Variants in PRKG1 observed in about 807,000 individuals in gnomAD.
PRKG1 encodes protein kinase cGMP-dependent 1, also known as cGMP-dependent protein kinase 1.
A neutral mutation model predicts 88.1 loss-of-function variants in PRKG1; 35 were observed. The ratio of observed to expected loss-of-function variants is 0.40; its 90% CI spans 0.30 to 0.53. The LOEUF (loss-of-function observed/expected upper bound fraction) is 0.53, where lower values mean the gene tolerates loss of function less well. Among genes scored for constraint, PRKG1 ranks in the 20% least tolerant of loss-of-function variants. PRKG1 has a pLI of 0.59. For synonymous variants in PRKG1, 303 were observed against 292.5 expected, an observed-to-expected ratio of 1.04 and a Z score of -0.37; for missense variants, 540 against 839.8, an observed-to-expected ratio of 0.64 and a Z score of 4.41.
chr10:51,768,634 T>A (rs1233273670), intron 3 of PRKG1, among the ~76,000 whole-genome samples: 1 of 152,110 alleles, frequency 6.6e-6, no homozygotes, highest in Non-Finnish European at 1.5e-5. Flanking sequence ...CTTGGGATTT[T>A]TTTACCCCCA....
chr10:52,174,383 G>A (rs779817076), intron 9 of PRKG1, among the ~76,000 whole-genome samples: 5 of 151,770 alleles, frequency 3.3e-5, no homozygotes, highest in African/African-American at 4.8e-5. Context: ...TCTTTCTTCA[G>A]GAAGTTGTTG....
intron 1 of PRKG1, among the ~76,000 whole-genome samples, chr10:51,032,705 G>A (rs1244073089): frequency 6.6e-6 from 1 of 152,168 alleles, no homozygotes; most frequent in Non-Finnish European, 1.5e-5. Context: ...GTTGCAGTGA[G>A]CTGAGACTGC....
At chr10:52,037,832 G>A (rs1469268435) in intron 5 of PRKG1, among the ~76,000 whole-genome samples, 1 of 152,132 alleles carries the variant, frequency 6.6e-6, no homozygotes, top group Non-Finnish European at 1.5e-5. Flanking sequence ...GGGGAGGAAG[G>A]GAGAGGTCAG....
At chr10:51,841,517 A>G (rs1840274924) in intron 4 of PRKG1, among the ~76,000 whole-genome samples, 1 of 152,220 alleles carries the variant, frequency 6.6e-6, no homozygotes, top group Admixed American at 6.5e-5. Context: ...GTCTTGAGGA[A>G]TGAACAATGA....
chr10:52,188,702 T>C (rs1589686559), intron 9 of PRKG1, among the ~76,000 whole-genome samples: 1 of 152,172 alleles, frequency 6.6e-6, no homozygotes, highest in Admixed American at 6.5e-5. Context: ...TGGCTACAGA[T>C]TGCCTCCTCA....
chr10:51,857,301 T>C (rs1352640894), intron 4 of PRKG1, among the ~76,000 whole-genome samples: 5 of 152,230 alleles, frequency 3.3e-5, no homozygotes, highest in Non-Finnish European at 7.3e-5. Flanking sequence ...ATAATAATAG[T>C]AGTTAATATC....
chr10:52,229,084 AT>A lies in PRKG1; in HGVS notation c.1077-22477del, dbSNP rs200202131. The stretch of plus-strand genomic sequence containing the variant: ...CTAAAGATTAGATCTTTTATGTACT[AT>A]TTTTTTTTCTGTTGTCATTTGTCAG... On this transcript the variant is annotated intron_variant, in intron 9 of 17. Coordinates refer to ENST00000373980, the MANE Select transcript of PRKG1 (RefSeq NM_006258.4). Among the ~76,000 whole-genome samples, 19 of 150,756 alleles carry A rather than the reference AT, an allele frequency of 1.3e-4. No homozygotes were observed. The Middle Eastern group carries it at 0.01, about 82-fold the overall frequency.
intron 2 of PRKG1, among the ~76,000 whole-genome samples, chr10:51,206,898 T>C (rs74617133): frequency 0.02 from 3,066 of 152,318 alleles, 47 homozygotes; most frequent in Middle Eastern, 0.051. Context: ...ATTCATATGA[T>C]ACATTCAGCC....
chr10:51,558,905 G>A (rs768969634), intron 3 of PRKG1, among the ~76,000 whole-genome samples: 6 of 151,964 alleles, frequency 3.9e-5, no homozygotes, highest in Admixed American at 3.9e-4. Context: ...CTTATCCAAG[G>A]TTTCACTTTC....
At chr10:51,581,027 G>T (rs1838020543) in intron 3 of PRKG1, among the ~76,000 whole-genome samples, 1 of 152,006 alleles carries the variant, frequency 6.6e-6, no homozygotes, top group Non-Finnish European at 1.5e-5. Context: ...ACTGCCTTCT[G>T]GTCCCACGAT....
chr10:51,838,033 AG>A (rs2132768363), intron 4 of PRKG1, among the ~76,000 whole-genome samples: 1 of 151,880 alleles, frequency 6.6e-6, no homozygotes, highest in African/African-American at 2.4e-5. Context: ...GAAAGTCTAA[AG>A]CCAATTTACT....
intron 3 of PRKG1, among the ~76,000 whole-genome samples, chr10:51,653,679 G>A (rs1013995117): frequency 6.6e-6 from 1 of 151,858 alleles, no homozygotes; most frequent in South Asian, 2.1e-4. Flanking sequence ...CAATTCTCTT[G>A]CCTCAGCCTC....
chr10:51,884,248 C>T (rs1841507400), intron 4 of PRKG1, among the ~76,000 whole-genome samples: 1 of 150,132 alleles, frequency 6.7e-6, no homozygotes, highest in East Asian at 2.0e-4. Flanking sequence ...AGATCGAGAC[C>T]ATCCTGGCTA....
At chr10:52,189,394 C>A (rs546812090) in intron 9 of PRKG1, among the ~76,000 whole-genome samples, 4 of 152,288 alleles carry the variant, frequency 2.6e-5, no homozygotes, top group Admixed American at 2.6e-4. Flanking sequence ...AATCACCAGG[C>A]CATGGACTGC....
intron 1 of PRKG1, among the ~76,000 whole-genome samples, chr10:51,116,065 C>G (rs745831465): frequency 6.6e-6 from 1 of 151,986 alleles, no homozygotes; most frequent in Non-Finnish European, 1.5e-5. Flanking sequence ...GGCTTTCACT[C>G]AACAGATTTG....
At chr10:51,609,289 C>T (rs1838843649) in intron 3 of PRKG1, among the ~76,000 whole-genome samples, 3 of 152,094 alleles carry the variant, frequency 2.0e-5, no homozygotes, top group Admixed American at 1.3e-4. Flanking sequence ...ACTGACTTAC[C>T]AGAGCAACTT....
intron 9 of PRKG1, among the ~76,000 whole-genome samples, chr10:52,229,491 T>C (rs553239039): frequency 6.6e-6 from 1 of 152,104 alleles, no homozygotes; most frequent in Non-Finnish European, 1.5e-5. Context: ...CCCAGGAAAA[T>C]GGAAGAGGGG....
At chr10:52,096,722 C>T (rs544722811) in intron 7 of PRKG1, among the ~76,000 whole-genome samples, 12 of 152,204 alleles carry the variant, frequency 7.9e-5, no homozygotes, top group African/African-American at 2.4e-4. Context: ...TACATCTATG[C>T]ACGCAGATTT....
At chr10:51,194,559 G>T (rs1239913051) in intron 2 of PRKG1, among the ~76,000 whole-genome samples, 1 of 152,028 alleles carries the variant, frequency 6.6e-6, no homozygotes, top group Non-Finnish European at 1.5e-5. Flanking sequence ...AGGTAGAAAT[G>T]AGTTTCAACA....
Sources: gnomAD v4.1 joint callset for allele counts (sites outside exome capture counted in the v4.1 genomes callset) on GRCh38, gnomAD v4.1.1 for gene constraint, MANE v1.5 for transcripts, NCBI Gene and HGNC (gene_info 2026-07-23, HGNC 2026-07-21) for gene names.